The following GKAP1 variants were observed in gnomAD, a reference collection of about 807,000 sequenced individuals.
GKAP1 encodes G kinase anchoring protein 1.
A neutral mutation model predicts 56.7 loss-of-function variants in GKAP1; 31 were observed. The observed-to-expected ratio is 0.55, with a 90% confidence interval of 0.41 to 0.74. The LOEUF is 0.74. Ranked by LOEUF, GKAP1 falls within the 30% of genes least tolerant of loss-of-function variation. The pLI is 0.00. For synonymous variants in GKAP1, 151 were observed against 138.6 expected (o/e 1.09, Z -0.63); for missense variants, 364 against 402.3 (o/e 0.90, Z 0.82).
At chr9:83,757,150 G>A (rs1007587311) in intron 8 of GKAP1, among the ~76,000 whole-genome samples, 9 of 152,130 alleles carry the variant, frequency 5.9e-5, no homozygotes, top group African/African-American at 2.2e-4. Flanking sequence ...TCCGTGTCTC[G>A]GGTTTGGGGT....
In GKAP1 at chr9:83,739,639, C is replaced by A. The variant is rs568352866; in HGVS notation, c.*58G>T. 7.5e-5 allele frequency: 109 copies of A among 1,445,372 alleles called. No individual in the cohort carries two copies. Among genetic ancestry groups the A allele is most frequent in the Non-Finnish European group, 1.0e-4 (108 of 1,050,768 alleles). The allele number at this position is 1,445,372 out of a possible 1,614,324, so 89.5% of individuals were successfully genotyped here. On this transcript the variant is annotated 3_prime_UTR_variant, in exon 13 of 13. Coordinates refer to ENST00000376371, the MANE Select transcript of GKAP1 (RefSeq NM_025211.4). ...GCAGTTGCACAGCATTAAATATATACAACTTTGCAAAATCCTGGAAGTTTT... is the reference window on the plus strand; with the variant it reads ...GCAGTTGCACAGCATTAAATATATAAAACTTTGCAAAATCCTGGAAGTTTT...
At chr9:83,765,505 C>T (rs1417091355) in intron 8 of GKAP1, among the ~76,000 whole-genome samples, 1 of 152,204 alleles carries the variant, frequency 6.6e-6, no homozygotes, top group Non-Finnish European at 1.5e-5. Context: ...GGTAGATCCA[C>T]CCACGGTTTG....
chr9:83,801,420 C>G (rs1174399510), intron 3 of GKAP1, among the ~76,000 whole-genome samples: 1 of 151,062 alleles, frequency 6.6e-6, no homozygotes, highest in Non-Finnish European at 1.5e-5. Flanking sequence ...TAAGGCAGCC[C>G]TGAGAAACTA....
At chr9:83,781,843 C>CTTT (rs1213249669) in intron 6 of GKAP1, among the ~76,000 whole-genome samples, 1 of 110,416 alleles carries the variant, frequency 9.1e-6, no homozygotes, top group Admixed American at 1.2e-4. Flanking sequence ...AAATGTATTT[C>CTTT]TTCTTTTTTT....
intron 8 of GKAP1, among the ~76,000 whole-genome samples, chr9:83,767,460 AG>A (rs1232882398): frequency 6.6e-6 from 1 of 151,518 alleles, no homozygotes; most frequent in Non-Finnish European, 1.5e-5. Context: ...CCTGGGTTCA[AG>A]TGATTCTCCT....
At chr9:83,797,856 A>G (rs899434305) in intron 4 of GKAP1, among the ~76,000 whole-genome samples, 8 of 152,258 alleles carry the variant, frequency 5.3e-5, no homozygotes, top group African/African-American at 1.2e-4. Flanking sequence ...ATTCTCTCCA[A>G]TGAAGACACT....
chr9:83,779,308 A>G (rs914080774), intron 7 of GKAP1, among the ~76,000 whole-genome samples: 10 of 151,606 alleles, frequency 6.6e-5, no homozygotes, highest in African/African-American at 2.4e-4. Context: ...CATAGTTAGG[A>G]ACTAAATTAT....
intron 2 of GKAP1, among the ~76,000 whole-genome samples, chr9:83,813,428 T>A (rs1436519005): frequency 1.3e-5 from 2 of 152,192 alleles, no homozygotes; most frequent in African/African-American, 4.8e-5. Context: ...TATTTATATT[T>A]TTCCCCTCCT....
intron 2 of GKAP1, among the ~76,000 whole-genome samples, chr9:83,814,873 T>C (rs1166304501): frequency 6.6e-6 from 1 of 152,238 alleles, no homozygotes; most frequent in Non-Finnish European, 1.5e-5. Context: ...TATCTGGTTT[T>C]AAAGTGTTGA....
chr9:83,781,947 G>A (rs1943980532), intron 6 of GKAP1, among the ~76,000 whole-genome samples: 1 of 150,892 alleles, frequency 6.6e-6, no homozygotes, highest in Admixed American at 6.6e-5. Flanking sequence ...GGGTTCAAGT[G>A]ATTCTCCTGC....
intron 9 of GKAP1, among the ~76,000 whole-genome samples, chr9:83,750,934 C>T (rs766000555): frequency 2.6e-5 from 4 of 152,108 alleles, no homozygotes; most frequent in African/African-American, 9.7e-5. Context: ...CTTCCAGGTT[C>T]GAGCGATTCT....
chr9:83,789,888 T>C (rs1460767947), intron 4 of GKAP1, among the ~76,000 whole-genome samples: 4 of 149,756 alleles, frequency 2.7e-5, no homozygotes, highest in African/African-American at 1.0e-4. Context: ...ATTTAGTTTT[T>C]AATTCAAATC....
intron 2 of GKAP1, among the ~76,000 whole-genome samples, chr9:83,810,202 T>C (rs945267091): frequency 5.9e-5 from 9 of 152,268 alleles, no homozygotes; most frequent in South Asian, 2.1e-4. Flanking sequence ...CCAACTGTTG[T>C]AAATTATTGA....
Position 83,803,248 on chromosome 9 carries a change from C to CTCTCCCG in GKAP1, c.216+3053_216+3054insCGGGAGA, listed in dbSNP as rs1226702631. Among the ~76,000 whole-genome samples, 194 of 151,706 alleles carry CTCTCCCG rather than the reference C, an allele frequency of 1.3e-3. 1 individual carries two copies. The highest frequency in any genetic ancestry group is 4.4e-3 in the African/African-American group (184 of 41,398). ...CTCCCTCTCCCCTCTCCCCTCTCCCCTCTCCCTCTCGGTCTCCCTCTCCCT... is the reference window on the plus strand; with the variant it reads ...CTCCCTCTCCCCTCTCCCCTCTCCCCTCTCCCGTCTCCCTCTCGGTCTCCCTCTCCCT... On this transcript the variant is annotated intron_variant, in intron 3 of 12. Transcript: ENST00000376371.
intron 8 of GKAP1, among the ~76,000 whole-genome samples, chr9:83,761,039 G>C (rs1442561475): frequency 6.7e-6 from 1 of 148,214 alleles, no homozygotes; most frequent in African/African-American, 2.5e-5. Context: ...AAACTAAAAT[G>C]AAGAAAGCAA....
intron 7 of GKAP1, among the ~76,000 whole-genome samples, chr9:83,771,864 GATTATA>G (rs1413003194): frequency 3.9e-5 from 6 of 152,236 alleles, no homozygotes; most frequent in Admixed American, 1.3e-4. Flanking sequence ...TATCACTAGA[GATTATA>G]ATTATAATTA....
At chr9:83,753,435 G>A (rs893277363) in intron 8 of GKAP1, 76 bp from the exon 9 acceptor site, 1 of 975,786 alleles carries the variant, frequency 1.0e-6, no homozygotes, top group Admixed American at 2.1e-5. Flanking sequence ...TTTGTGAAAA[G>A]TTTAAGAGGA....
chr9:83,747,640 A>ATT (rs1237749091), intron 10 of GKAP1, among the ~76,000 whole-genome samples: 14 of 141,574 alleles, frequency 9.9e-5, no homozygotes, highest in African/African-American at 2.6e-4. Context: ...ACTATCCAGC[A>ATT]TTTTTTTTTT....
chr9:83,768,640 A>G (rs1943704235), intron 8 of GKAP1, among the ~76,000 whole-genome samples, 178 bp downstream of exon 8: 1 of 152,254 alleles, frequency 6.6e-6, no homozygotes, highest in African/African-American at 2.4e-5. Context: ...CTAGTCATAC[A>G]GTATGAGTAT....
Sources: gnomAD v4.1 joint callset for allele counts (sites outside exome capture counted in the v4.1 genomes callset) on GRCh38, gnomAD v4.1.1 for gene constraint, MANE v1.5 for transcripts, NCBI Gene and HGNC (gene_info 2026-07-23, HGNC 2026-07-21) for gene names.